The following FAXC variants were observed in gnomAD, a reference collection of about 807,000 sequenced individuals.
FAXC encodes the protein failed axon connections homolog, metaxin like GST domain containing, also known as failed axon connections homolog.
Under a neutral mutation model 41.9 loss-of-function variants are expected in FAXC, and 10 were observed. The ratio of observed to expected loss-of-function variants is 0.24; its 90% confidence interval spans 0.15 to 0.41. The LOEUF is 0.41. FAXC is among the 10% of genes least tolerant of loss of function. The pLI is 1.00. For synonymous variants in FAXC, 183 were observed against 183.8 expected, an observed-to-expected ratio of 1.00 and a Z score of 0.03; for missense variants, 399 against 510.9, an observed-to-expected ratio of 0.78 and a Z score of 2.11.
intron 4 of FAXC, among the ~76,000 whole-genome samples, chr6:99,297,655 T>C (rs1771549389): frequency 6.6e-6 from 1 of 152,170 alleles, no homozygotes; most frequent in Admixed American, 6.5e-5. Context: ...GTATGAGAGC[T>C]GACAGTGTGT....
At chr6:99,290,711 AAAT>A (rs937807883) in intron 5 of FAXC, among the ~76,000 whole-genome samples, 10 of 151,536 alleles carry the variant, frequency 6.6e-5, no homozygotes, top group Non-Finnish European at 1.5e-4. Context: ...CAAAAATAAA[AAAT>A]AATAATAATA....
At chr6:99,290,390 G>A (rs909973251) in intron 5 of FAXC, among the ~76,000 whole-genome samples, 9 of 151,960 alleles carry the variant, frequency 5.9e-5, no homozygotes, top group Non-Finnish European at 1.2e-4. Context: ...TGTTTCTTTG[G>A]TCAAAATTAA....
chr6:99,274,084 A>G lies in FAXC; in HGVS notation c.*7080T>C, dbSNP rs1770513778. ...ATTTTATATTTATAAAATGAAAAATATATGCCACAAACACTCTTGAGAGAC... is the reference window on the plus strand; with the variant it reads ...ATTTTATATTTATAAAATGAAAAATGTATGCCACAAACACTCTTGAGAGAC... On this transcript the variant is annotated 3_prime_UTR_variant, in exon 6 of 6. Coordinates refer to ENST00000389677, the MANE Select transcript of FAXC (RefSeq NM_032511.4). 6.6e-6 allele frequency: 1 copy of G among 152,176 alleles called. No homozygotes were observed. Among genetic ancestry groups the G allele is most frequent in the Admixed American group, 6.5e-5 (1 of 15,274 alleles). The allele number at this position is 152,176 out of a possible 1,614,324, so 9.4% of individuals were successfully genotyped here.
At chr6:99,291,090 G>A (rs1036201029) in intron 5 of FAXC, among the ~76,000 whole-genome samples, 2 of 152,190 alleles carry the variant, frequency 1.3e-5, no homozygotes, top group African/African-American at 2.4e-5. Flanking sequence ...GATTACAGAC[G>A]TGAGCCACTG....
intron 5 of FAXC, among the ~76,000 whole-genome samples, chr6:99,282,993 T>G (rs1005517645): frequency 6.6e-6 from 1 of 152,230 alleles, no homozygotes; most frequent in Non-Finnish European, 1.5e-5. Context: ...ATAAAAATCT[T>G]TGAATGTCAC....
chr6:99,314,393 A>G (rs1258333871), intron 4 of FAXC, among the ~76,000 whole-genome samples: 1 of 152,110 alleles, frequency 6.6e-6, no homozygotes. Context: ...AATACAAAAT[A>G]CAAAACCCCG....
chr6:99,312,280 C>CG (rs1772181981), intron 4 of FAXC, among the ~76,000 whole-genome samples: 1 of 152,156 alleles, frequency 6.6e-6, no homozygotes, highest in Non-Finnish European at 1.5e-5. Flanking sequence ...CCTGGGAGCA[C>CG]GGAACAGGTT....
At chr6:99,346,693 C>T (rs1284998142) in intron 1 of FAXC, among the ~76,000 whole-genome samples, 3 of 152,160 alleles carry the variant, frequency 2.0e-5, no homozygotes, top group South Asian at 2.1e-4. Context: ...AGCTGCCGCG[C>T]GCCGGGCCAA....
intron 5 of FAXC, among the ~76,000 whole-genome samples, chr6:99,290,176 C>T (rs1771183443): frequency 6.6e-6 from 1 of 150,858 alleles, no homozygotes; most frequent in South Asian, 2.1e-4. Context: ...CACATCAATC[C>T]AAGGTGAGCT....
intron 3 of FAXC, among the ~76,000 whole-genome samples, chr6:99,327,215 C>T (rs906462457): frequency 6.6e-6 from 1 of 152,104 alleles, no homozygotes; most frequent in Non-Finnish European, 1.5e-5. Flanking sequence ...AGGGTTGAGG[C>T]CAGTGAAATG....
chr6:99,302,965 C>CT (rs1771771824), intron 4 of FAXC, among the ~76,000 whole-genome samples: 1 of 151,960 alleles, frequency 6.6e-6, no homozygotes, highest in Non-Finnish European at 1.5e-5. Flanking sequence ...TTGTACTGCT[C>CT]TTTGACTTTT....
chr6:99,281,624 C>T (rs944768198), intron 5 of FAXC, among the ~76,000 whole-genome samples, 171 bp from the exon 6 acceptor site: 1 of 152,186 alleles, frequency 6.6e-6, no homozygotes, highest in Non-Finnish European at 1.5e-5. Context: ...AGCCCTCATT[C>T]GTGGTACTAG....
At chr6:99,330,446 T>C (rs1248574326) in intron 3 of FAXC, among the ~76,000 whole-genome samples, 1 of 152,202 alleles carries the variant, frequency 6.6e-6, no homozygotes. Flanking sequence ...TAACAGTTTT[T>C]ATAATGCAAG....
Position 99,349,389 on chromosome 6 carries a change from C to G in FAXC, c.-17G>C. ...CCAGTGCATGCTGCGCGGCTGGCTC[C>G]GGGCGCCCCTCCCAGGGCCCGCGCC... On this transcript the variant is annotated 5_prime_UTR_variant, in exon 1 of 6. Coordinates refer to ENST00000389677, the MANE Select transcript of FAXC (RefSeq NM_032511.4). 2 of 1,590,608 alleles carry G rather than the reference C, an allele frequency of 1.3e-6. No individual in the cohort carries two copies. Among genetic ancestry groups the G allele is most frequent in the Non-Finnish European group, 1.7e-6 (2 of 1,169,250 alleles).
At chr6:99,300,038 G>A (rs1771645634) in intron 4 of FAXC, among the ~76,000 whole-genome samples, 1 of 151,778 alleles carries the variant, frequency 6.6e-6, no homozygotes, top group Admixed American at 6.6e-5. Flanking sequence ...TTTTCTGAAA[G>A]AACACACAAA....
intron 4 of FAXC, among the ~76,000 whole-genome samples, chr6:99,314,471 CAAT>C (rs1370349558): frequency 1.3e-5 from 2 of 152,098 alleles, no homozygotes; most frequent in Non-Finnish European, 2.9e-5. Context: ...CTACTCAGGA[CAAT>C]GAGGCAGAAG....
chr6:99,287,699 C>T (rs1771077609), intron 5 of FAXC, among the ~76,000 whole-genome samples: 1 of 152,200 alleles, frequency 6.6e-6, no homozygotes, highest in Non-Finnish European at 1.5e-5. Context: ...CTGGGTTTCA[C>T]CCAGTTCTAA....
chr6:99,322,688 A>G (rs894175700), intron 4 of FAXC, among the ~76,000 whole-genome samples: 6 of 152,166 alleles, frequency 3.9e-5, no homozygotes, highest in Non-Finnish European at 7.3e-5. Context: ...CCTGAATTCA[A>G]TATCTGTTTA....
intron 4 of FAXC, among the ~76,000 whole-genome samples, chr6:99,315,232 TAAAAAAAAAAAAA>T (rs1174982279): frequency 2.2e-4 from 9 of 40,482 alleles, no homozygotes; most frequent in Non-Finnish European, 3.1e-4. Context: ...CACTCCATCT[TAAAAAAAAAAAAA>T]AAAAAAAAAA....
Sources: allele counts gnomAD v4.1 joint callset (sites outside exome capture counted in the v4.1 genomes callset), GRCh38; gene constraint gnomAD v4.1.1; transcripts MANE v1.5; gene names NCBI Gene and HGNC (gene_info 2026-07-23, HGNC 2026-07-21).